C7orf57: variants seen among roughly 807,000 people sequenced by gnomAD.
C7orf57 encodes uncharacterized protein C7orf57.
A neutral mutation model predicts 39.0 loss-of-function variants in C7orf57; 33 were observed. That is an observed-to-expected ratio of 0.85 (90% confidence interval 0.64 to 1.13). The LOEUF (loss-of-function observed/expected upper bound fraction) is 1.13, where lower values mean the gene tolerates loss of function less well. Among genes scored for constraint, C7orf57 ranks in the 50% most tolerant of loss-of-function variants. C7orf57 has a pLI of 0.00. For missense variants in C7orf57, 346 were observed against 362.3 expected (o/e 0.95, Z 0.37); for synonymous variants, 124 against 137.1 (o/e 0.90, Z 0.67).
Position 48,036,232 on chromosome 7 carries a change from GC to G in C7orf57, c.-76del. On this transcript the variant is annotated 5_prime_UTR_variant, in exon 2 of 9. Coordinates refer to ENST00000348904, the MANE Select transcript of C7orf57 (RefSeq NM_001100159.3). ...GCTGCAGCTCCTGGCAACTGGTCAA[GC>G]AGGCAGCGTCCAGCGCACCCGCGAA... 6.7e-7 allele frequency: 1 copy of G among 1,482,498 alleles called. No individual in the cohort carries two copies. Among genetic ancestry groups the G allele is most frequent in the Non-Finnish European group, 9.2e-7 (1 of 1,084,276 alleles). 91.8% of individuals were successfully genotyped at this position (1,482,498 alleles called of 1,614,324 possible).
chr7:48,054,741 G>T (rs1791060770), intron 8 of C7orf57, 135 bp downstream of exon 8: 1 of 683,790 alleles, frequency 1.5e-6, no homozygotes, highest in African/African-American at 1.8e-5. Flanking sequence ...CATGCATTCT[G>T]ACTACAAAGC....
rs1162271062 is a variant in C7orf57, at chr7:48,061,055, T to C, written c.*783T>C. 1 of 152,190 alleles carries C rather than the reference T, an allele frequency of 6.6e-6. No individual in the cohort carries two copies. The highest frequency in any genetic ancestry group is 1.5e-5 in the Non-Finnish European group (1 of 68,010). 9.4% of individuals were successfully genotyped at this position (152,190 alleles called of 1,614,324 possible). A position where few individuals can be genotyped will look rare whatever the true frequency, so the allele number is the denominator to read the frequency against. On this transcript the variant is annotated 3_prime_UTR_variant, in exon 9 of 9. Transcript: ENST00000348904. ...ATTGATTAATAAAATAATAATTTTATGTGAGAATGTTTTCAAAAAGCCAAA... is the reference window on the plus strand; with the variant it reads ...ATTGATTAATAAAATAATAATTTTACGTGAGAATGTTTTCAAAAAGCCAAA...
chr7:48,051,797 TCCTTCCTTC>T (rs1790916939), intron 6 of C7orf57, among the ~76,000 whole-genome samples: 1 of 97,668 alleles, frequency 1.0e-5, no homozygotes, highest in African/African-American at 4.3e-5. Context: ...TTTCTTTCTT[TCCTTCCTTC>T]CTTTTCTCTT....
intron 8 of C7orf57, among the ~76,000 whole-genome samples, chr7:48,058,853 G>A (rs188612163): frequency 1.2e-4 from 19 of 152,270 alleles, no homozygotes; most frequent in African/African-American, 4.1e-4. Context: ...ATCAAGGGAC[G>A]ATCATTTGGC....
chr7:48,044,119 T>C (rs186501223), intron 4 of C7orf57, among the ~76,000 whole-genome samples: 7 of 152,276 alleles, frequency 4.6e-5, no homozygotes, highest in Admixed American at 4.6e-4. Flanking sequence ...GCAGGAACAA[T>C]GGCGAGCCTC....
At chr7:48,042,461 G>T (rs970050488) in intron 3 of C7orf57, among the ~76,000 whole-genome samples, 1 of 152,124 alleles carries the variant, frequency 6.6e-6, no homozygotes, top group Non-Finnish European at 1.5e-5. Context: ...GGTATAGGGG[G>T]AGGACTGGGC....
chr7:48,054,883 A>ATT (rs1301867886), intron 8 of C7orf57, among the ~76,000 whole-genome samples: 13 of 150,838 alleles, frequency 8.6e-5, no homozygotes, highest in African/African-American at 2.7e-4. Flanking sequence ...TATTATTATT[A>ATT]TTATTTTTTT....
intron 6 of C7orf57, among the ~76,000 whole-genome samples, chr7:48,051,654 C>T (rs1475196530): frequency 2.7e-5 from 4 of 149,308 alleles, no homozygotes; most frequent in Non-Finnish European, 4.5e-5. Context: ...CTCCCTTCCT[C>T]CCTTCCTTTC....
In C7orf57 at chr7:48,052,855, T is replaced by A; in HGVS notation, c.761T>A (p.Leu254Gln). Residue 254 changes from leucine to glutamine, a missense_variant, in exon 7 of 9, where the codon CTG becomes CAG. Transcript: ENST00000348904. ...ASVLSQSPRD[L>Q]EGPQDAARLQ... ...GTGTTATCTCAGTCCCCACGAGACC[T>A]GGAAGGTCCCCAGGATGCAGCCAGG... 1 of 1,613,972 alleles carries A rather than the reference T, an allele frequency of 6.2e-7. No homozygotes were observed. The highest frequency in any genetic ancestry group is 1.1e-5 in the South Asian group (1 of 91,080).
At chr7:48,059,264 T>C (rs1425575161) in intron 8 of C7orf57, among the ~76,000 whole-genome samples, 5 of 152,264 alleles carry the variant, frequency 3.3e-5, no homozygotes, top group Non-Finnish European at 5.9e-5. Context: ...ATAGGCAATT[T>C]AGAAAGTGCC....
Position 48,038,391 on chromosome 7 carries a change from G to T in C7orf57, c.55+2028G>T, listed in dbSNP as rs11764791. Among the ~76,000 whole-genome samples the T allele has an allele frequency of 6.9e-3, 634 of 91,492 alleles. 1 individual carries two copies. In the Middle Eastern group the frequency reaches 0.076, roughly 11 times the overall value. 60.0% of individuals were successfully genotyped at this position (91,492 alleles called of 152,430 possible). ...CTATCTTTCTATATACATATAGATA[G>T]ATAGATAGATAGATAGATAGATAGA... On this transcript the variant is annotated intron_variant, in intron 2 of 8. Transcript: ENST00000348904.
At position 48,038,383 on chromosome 7, in the gene C7orf57, T is replaced by TAGATAG. The variant is rs1554298420; in HGVS notation, c.55+2021_55+2022insGATAGA. Among the ~76,000 whole-genome samples, 1,461 of 150,238 alleles carry TAGATAG rather than the reference T, an allele frequency of 9.7e-3. 19 individuals carry two copies. The highest frequency in any genetic ancestry group is 0.034 in the African/African-American group (1,379 of 40,858). On this transcript the variant is annotated intron_variant, in intron 2 of 8. Transcript: ENST00000348904. ...ATCCATGTCTATCTTTCTATATACA[T>TAGATAG]ATAGATAGATAGATAGATAGATAGA...
intron 4 of C7orf57, among the ~76,000 whole-genome samples, chr7:48,044,218 C>T (rs1403482586): frequency 1.3e-5 from 2 of 152,208 alleles, no homozygotes; most frequent in African/African-American, 4.8e-5. Context: ...AAATTAGCGG[C>T]GGGTCTGCAA....
intron 2 of C7orf57, among the ~76,000 whole-genome samples, chr7:48,039,096 G>A (rs1300836514): frequency 6.6e-6 from 1 of 152,208 alleles, no homozygotes; most frequent in Non-Finnish European, 1.5e-5. Flanking sequence ...GTCAGACTCA[G>A]TTAATTCTCT....
chr7:48,056,255 T>A (rs1464354511), intron 8 of C7orf57, among the ~76,000 whole-genome samples: 1 of 152,222 alleles, frequency 6.6e-6, no homozygotes, highest in African/African-American at 2.4e-5. Context: ...GCCATTTGCA[T>A]GTCTTCTTTT....
chr7:48,041,562 C>T (rs199695274), intron 3 of C7orf57, 43 bp downstream of exon 3: 11 of 1,460,330 alleles, frequency 7.5e-6, no homozygotes, highest in East Asian at 4.8e-5. Flanking sequence ...GCCTCGCGGG[C>T]GGTGAGGGGG....
At chr7:48,037,650 T>A (rs1048669583) in intron 2 of C7orf57, among the ~76,000 whole-genome samples, 3 of 152,170 alleles carry the variant, frequency 2.0e-5, no homozygotes, top group South Asian at 4.1e-4. Context: ...TATATATATA[T>A]ATAAAAAATC....
chr7:48,060,287 T>A lies in C7orf57; in HGVS notation c.*15T>A. ...AGCTCAAATAAATCCTGATGCAATA[T>A]GTATTTAGGATAATTTTTAAATGGC... is the stretch of plus-strand genomic sequence containing the variant. On this transcript the variant is annotated 3_prime_UTR_variant, in exon 9 of 9. Coordinates refer to ENST00000348904, the MANE Select transcript of C7orf57 (RefSeq NM_001100159.3). 1 of 1,501,968 alleles carries A rather than the reference T, an allele frequency of 6.7e-7. No homozygotes were observed. 93.0% of individuals were successfully genotyped at this position (1,501,968 alleles called of 1,614,324 possible). A position where few individuals can be genotyped will look rare whatever the true frequency, so the allele number is the denominator to read the frequency against.
At chr7:48,046,690 A>G in intron 5 of C7orf57, 74 bp downstream of exon 5, 2 of 1,492,172 alleles carry the variant, frequency 1.3e-6, no homozygotes, top group Admixed American at 2.1e-5. Context: ...AAGTGCTGTG[A>G]TGTTAGCTGC....
Sources: allele counts gnomAD v4.1 joint callset (sites outside exome capture counted in the v4.1 genomes callset), GRCh38; gene constraint gnomAD v4.1.1; transcripts MANE v1.5; gene names NCBI Gene and HGNC (gene_info 2026-07-23, HGNC 2026-07-21).